The following ZFPM2 variants were observed in gnomAD, a reference collection of about 807,000 sequenced individuals.
ZFPM2 encodes zinc finger protein ZFPM2.
ZFPM2 carries 20 observed loss-of-function variants against 98.6 expected under a neutral mutation model. That is an observed-to-expected ratio of 0.20 (90% confidence interval 0.14 to 0.29). ZFPM2 has a LOEUF of 0.29. ZFPM2 is among the 10% of genes least tolerant of loss of function. The pLI is 1.00. For synonymous variants in ZFPM2, 518 were observed against 502.7 expected, an observed-to-expected ratio of 1.03 and a Z score of -0.41; for missense variants, 1,310 against 1,388.6, an observed-to-expected ratio of 0.94 and a Z score of 0.90.
intron 3 of ZFPM2, among the ~76,000 whole-genome samples, chr8:105,558,270 A>G (rs1483157912): frequency 6.6e-6 from 1 of 152,158 alleles, no homozygotes; most frequent in East Asian, 1.9e-4. Context: ...CTATGCTTGC[A>G]GTTTTTAGAA....
chr8:105,789,200 G>C (rs1813518700), intron 6 of ZFPM2, among the ~76,000 whole-genome samples: 1 of 151,926 alleles, frequency 6.6e-6, no homozygotes, highest in Admixed American at 6.6e-5. Context: ...TCGTCATCTA[G>C]CATTGGGTAT....
At chr8:105,355,754 C>T (rs1020989239) in intron 1 of ZFPM2, among the ~76,000 whole-genome samples, 2 of 152,056 alleles carry the variant, frequency 1.3e-5, no homozygotes, top group Admixed American at 6.6e-5. Context: ...GGCATTTTGA[C>T]CAACATAGTT....
At chr8:105,526,440 A>T (rs892409974) in intron 3 of ZFPM2, among the ~76,000 whole-genome samples, 7 of 152,210 alleles carry the variant, frequency 4.6e-5, no homozygotes, top group Non-Finnish European at 1.0e-4. Context: ...CAAATCTGAT[A>T]TGAAGAGAAG....
chr8:105,453,530 T>A (rs1812527673), intron 3 of ZFPM2, among the ~76,000 whole-genome samples: 1 of 152,178 alleles, frequency 6.6e-6, no homozygotes, highest in African/African-American at 2.4e-5. Flanking sequence ...AAGAGTACAA[T>A]GAATTCCCAT....
At chr8:105,438,640 T>A (rs1812173143) in intron 2 of ZFPM2, among the ~76,000 whole-genome samples, 1 of 152,034 alleles carries the variant, frequency 6.6e-6, no homozygotes, top group South Asian at 2.1e-4. Context: ...AGAGAATGTC[T>A]GAGACATGAG....
At chr8:105,695,305 C>T (rs534057614) in intron 5 of ZFPM2, among the ~76,000 whole-genome samples, 2 of 149,670 alleles carry the variant, frequency 1.3e-5, no homozygotes, top group South Asian at 4.2e-4. Context: ...AGTGTATTTA[C>T]AGCAGTGTCT....
chr8:105,396,305 G>A (rs1194896915), intron 1 of ZFPM2, among the ~76,000 whole-genome samples: 1 of 152,174 alleles, frequency 6.6e-6, no homozygotes, highest in Non-Finnish European at 1.5e-5. Context: ...CTGTTGAAGA[G>A]TTTTTCTAGG....
chr8:105,675,447 C>T (rs769534079), intron 5 of ZFPM2, among the ~76,000 whole-genome samples: 16 of 152,172 alleles, frequency 1.1e-4, no homozygotes, highest in South Asian at 2.1e-4. Flanking sequence ...GGAATTCACT[C>T]CTGAGCAAAG....
At chr8:105,456,477 C>T (rs1698655922) in intron 3 of ZFPM2, among the ~76,000 whole-genome samples, 1 of 151,850 alleles carries the variant, frequency 6.6e-6, no homozygotes, top group Admixed American at 6.6e-5. Context: ...TTCTTTAAAA[C>T]TCTCTGGTAA....
intron 5 of ZFPM2, among the ~76,000 whole-genome samples, chr8:105,692,780 A>C (rs1226618615): frequency 6.6e-6 from 1 of 152,222 alleles, no homozygotes; most frequent in East Asian, 1.9e-4. Context: ...TTCAGGATGG[A>C]AGAAAATGTT....
chr8:105,403,992 A>AAACAACAACAAC lies in ZFPM2; in HGVS notation c.41-15111_41-15100dup, dbSNP rs58138715. On this transcript the variant is annotated intron_variant, in intron 1 of 7. Transcript: ENST00000407775. ...GGGACTTTGATGGTTATTGGTGTTA[A>AAACAACAACAAC]AACAACAACAACAACAACAACAACA... 4.4e-4 allele frequency among the ~76,000 whole-genome samples: 65 copies of AAACAACAACAAC among 147,730 alleles called. No individual in the cohort carries two copies. In the East Asian group the frequency reaches 6.3e-3, roughly 14 times the overall value.
At chr8:105,504,682 G>GTA (rs1167955714) in intron 3 of ZFPM2, among the ~76,000 whole-genome samples, 1 of 152,170 alleles carries the variant, frequency 6.6e-6, no homozygotes, top group Admixed American at 6.6e-5. Context: ...TCAATGTGTA[G>GTA]ATTTAGCACG....
intron 7 of ZFPM2, among the ~76,000 whole-genome samples, chr8:105,800,021 T>C (rs1217902064): frequency 3.9e-5 from 6 of 152,104 alleles, no homozygotes; most frequent in Admixed American, 1.3e-4. Context: ...AGCAGAAACA[T>C]ATTGGTTGTC....
chr8:105,395,783 G>C (rs563735688), intron 1 of ZFPM2, among the ~76,000 whole-genome samples: 1 of 152,158 alleles, frequency 6.6e-6, no homozygotes, highest in Admixed American at 6.5e-5. Flanking sequence ...TAGTTTTACA[G>C]ATGAGAAATG....
At chr8:105,555,107 A>G (rs1238154020) in intron 3 of ZFPM2, among the ~76,000 whole-genome samples, 1 of 152,008 alleles carries the variant, frequency 6.6e-6, no homozygotes, top group African/African-American at 2.4e-5. Flanking sequence ...TTAAGCTATC[A>G]TAAGTCTTTG....
At chr8:105,352,181 T>C (rs1586310581) in intron 1 of ZFPM2, among the ~76,000 whole-genome samples, 1 of 152,332 alleles carries the variant, frequency 6.6e-6, no homozygotes, top group South Asian at 2.1e-4. Context: ...TTACAAAATA[T>C]ATAGTGTTGT....
intron 3 of ZFPM2, among the ~76,000 whole-genome samples, chr8:105,467,178 T>G (rs1410031025): frequency 6.6e-6 from 1 of 152,114 alleles, no homozygotes; most frequent in African/African-American, 2.4e-5. Context: ...GTGTCAGAAC[T>G]CTGACCTTGA....
At chr8:105,483,690 G>A (rs1813169636) in intron 3 of ZFPM2, among the ~76,000 whole-genome samples, 1 of 150,746 alleles carries the variant, frequency 6.6e-6, no homozygotes, top group Admixed American at 6.6e-5. Context: ...TGGAAAGATT[G>A]TCAGATTAAT....
intron 4 of ZFPM2, among the ~76,000 whole-genome samples, chr8:105,568,346 C>CT (rs913681546): frequency 1.3e-5 from 2 of 151,430 alleles, no homozygotes; most frequent in Non-Finnish European, 2.9e-5. Context: ...TCTGCCTCTC[C>CT]TTTCGTACCT....
Sources: gnomAD v4.1 joint callset for allele counts (sites outside exome capture counted in the v4.1 genomes callset) on GRCh38, gnomAD v4.1.1 for gene constraint, MANE v1.5 for transcripts, NCBI Gene and HGNC (gene_info 2026-07-23, HGNC 2026-07-21) for gene names.